BOC: variants seen among roughly 807,000 people sequenced by gnomAD.
BOC encodes the protein brother of CDO.
In BOC, 76 loss-of-function variants were observed where a neutral mutation model predicts 112.0. The ratio of observed to expected loss-of-function variants is 0.68; its 90% CI spans 0.56 to 0.82. The LOEUF (loss-of-function observed/expected upper bound fraction) is 0.82, where lower values mean the gene tolerates loss of function less well. Ranked by LOEUF, BOC falls within the 40% of genes least tolerant of loss-of-function variation. The pLI is 0.00. For synonymous variants in BOC, 580 were observed against 599.8 expected (o/e 0.97, Z 0.48); for missense variants, 1,309 against 1,511.7 (o/e 0.87, Z 2.22).
At chr3:113,214,996 T>C (rs1162567064) in intron 1 of BOC, among the ~76,000 whole-genome samples, 1 of 152,244 alleles carries the variant, frequency 6.6e-6, no homozygotes, top group Non-Finnish European at 1.5e-5. Context: ...ACTTTTGACA[T>C]AGTTGTGATA....
In BOC at chr3:113,284,503, C is replaced by G. The variant is rs749472368; in HGVS notation, c.2825C>G (p.Pro942Arg). Reference sequence around the variant, plus strand: ...GGGATCCACATGAATAGGGGCTGCCCCTCGGCTGCAGTGGGCTACCCGGGC... The same window carrying G: ...GGGATCCACATGAATAGGGGCTGCCGCTCGGCTGCAGTGGGCTACCCGGGC... ...ANGIHMNRGC[P>R]SAAVGYPGMK... The change falls in exon 17 of 20, where the codon CCC becomes CGC. Residue 942 changes from proline (P) to arginine (R), a missense_variant. Pro to Arg is a moderately radical substitution (Grantham distance 103). Transcript: ENST00000682979. The G allele has an allele frequency of 3.1e-6, 5 of 1,614,026 alleles. No homozygotes were observed. The African/African-American group carries it at 6.7e-5, about 22-fold the overall frequency.
intron 8 of BOC, among the ~76,000 whole-genome samples, chr3:113,273,926 C>G (rs1251825091): frequency 6.6e-6 from 1 of 152,226 alleles, no homozygotes; most frequent in Non-Finnish European, 1.5e-5. Context: ...CACAGACTCT[C>G]AGAGGACATT....
chr3:113,257,225 C>CA (rs1946324191), intron 4 of BOC, among the ~76,000 whole-genome samples: 1 of 152,210 alleles, frequency 6.6e-6, no homozygotes, highest in Non-Finnish European at 1.5e-5. Context: ...GCTGCCAGGA[C>CA]AATGGTTATT....
chr3:113,215,931 T>G (rs1939281272), intron 1 of BOC, among the ~76,000 whole-genome samples: 1 of 152,230 alleles, frequency 6.6e-6, no homozygotes, highest in Admixed American at 6.5e-5. Flanking sequence ...GAAAATGGAC[T>G]GCTGAACATA....
chr3:113,222,430 A>G (rs1305145943), intron 2 of BOC, among the ~76,000 whole-genome samples: 1 of 152,198 alleles, frequency 6.6e-6, no homozygotes, highest in African/African-American at 2.4e-5. Context: ...TATGGGGGGA[A>G]AATAGGAGAG....
At chr3:113,219,648 A>G (rs1260861204) in intron 2 of BOC, among the ~76,000 whole-genome samples, 1 of 152,204 alleles carries the variant, frequency 6.6e-6, no homozygotes, top group Middle Eastern at 3.2e-3. Flanking sequence ...TACAGCTAAC[A>G]AAGTGTAAGG....
At position 113,260,589 on chromosome 3, in the gene BOC, G is replaced by A. The variant is rs74592115; in HGVS notation, c.377-7710G>A. Among the ~76,000 whole-genome samples, 574 of 151,504 alleles carry A rather than the reference G, an allele frequency of 3.8e-3. 4 individuals are homozygous for A. Among genetic ancestry groups the A allele is most frequent in the Non-Finnish European group, 6.0e-3 (408 of 67,844 alleles). Reference sequence around the variant, plus strand: ...CAGGGTCACACAGCAGGAGGTGAGCGGTGGACCAGCAAGCATTACCATCTG... The same window carrying A: ...CAGGGTCACACAGCAGGAGGTGAGCAGTGGACCAGCAAGCATTACCATCTG... On this transcript the variant is annotated intron_variant, in intron 4 of 19. Coordinates refer to ENST00000682979, the MANE Select transcript of BOC (RefSeq NM_001378074.1).
Position 113,216,195 on chromosome 3 carries a change from C to G in BOC, c.-161C>G, listed in dbSNP as rs1320659648. The G allele has an allele frequency of 4.4e-6, 2 of 454,322 alleles. No homozygotes were observed. The highest frequency in any genetic ancestry group is 4.0e-5 in the African/African-American group (2 of 49,982). The allele number at this position is 454,322 out of a possible 1,614,324, so 28.1% of individuals were successfully genotyped here. A position where few individuals can be genotyped will look rare whatever the true frequency, so the allele number is the denominator to read the frequency against. ...ATTCTCTTTTTCCTCAGTTTCAGAA[C>G]AAGCTTCCTGGAACCCATGACCCAT... On this transcript the variant is annotated 5_prime_UTR_variant, in exon 2 of 20. Coordinates refer to ENST00000682979, the MANE Select transcript of BOC (RefSeq NM_001378074.1).
intron 17 of BOC, 47 bp downstream of exon 17, chr3:113,284,614 G>A: frequency 6.3e-7 from 1 of 1,575,118 alleles, no homozygotes; most frequent in South Asian, 1.1e-5. Flanking sequence ...CACCCAGGAG[G>A]GAGTGGCTGG....
chr3:113,222,574 T>A (rs1940911951), intron 2 of BOC, among the ~76,000 whole-genome samples: 2 of 151,970 alleles, frequency 1.3e-5, no homozygotes, highest in African/African-American at 4.8e-5. Context: ...TCCGTGGGTG[T>A]ACCGGTTGCT....
At chr3:113,232,871 C>G (rs570446082) in intron 2 of BOC, among the ~76,000 whole-genome samples, 4 of 152,276 alleles carry the variant, frequency 2.6e-5, no homozygotes, top group Admixed American at 2.0e-4. Context: ...CTAATGTGAT[C>G]TGTTTTTCCT....
intron 15 of BOC, 75 bp downstream of exon 15, chr3:113,281,228 T>G (rs1949170597): frequency 1.3e-6 from 2 of 1,550,858 alleles, no homozygotes; most frequent in Non-Finnish European, 1.8e-6. Flanking sequence ...TCCCTGTGCC[T>G]GTGCGGTGCT....
rs115552323 is a variant in BOC, at chr3:113,236,852, G to A, written c.-81-12870G>A. Among the ~76,000 whole-genome samples the A allele has an allele frequency of 5.0e-3, 757 of 152,258 alleles. 7 individuals are homozygous for A. The highest frequency in any genetic ancestry group is 0.016 in the African/African-American group (655 of 41,542). On this transcript the variant is annotated intron_variant, in intron 2 of 19. Coordinates refer to ENST00000682979, the MANE Select transcript of BOC (RefSeq NM_001378074.1). ...AAAAGTTTCATGACCCCTGACTCCCGAATTACTGCATGATTGGTATATGCC... is the reference window on the plus strand; with the variant it reads ...AAAAGTTTCATGACCCCTGACTCCCAAATTACTGCATGATTGGTATATGCC...
chr3:113,226,094 A>G (rs913004484), intron 2 of BOC, among the ~76,000 whole-genome samples: 5 of 152,224 alleles, frequency 3.3e-5, no homozygotes. Flanking sequence ...AGACAAATGT[A>G]TGATCTGAAA....
chr3:113,248,048 C>T (rs570113653), intron 2 of BOC, among the ~76,000 whole-genome samples: 1 of 152,160 alleles, frequency 6.6e-6, no homozygotes, highest in Non-Finnish European at 1.5e-5. Context: ...GGAGAAAATA[C>T]AAACCATCGG....
intron 6 of BOC, 27 bp from the exon 7 acceptor site, chr3:113,272,383 C>T (rs780366203): frequency 1.6e-5 from 25 of 1,606,922 alleles, no homozygotes; most frequent in Non-Finnish European, 2.6e-6. Context: ...CACACGCCTT[C>T]TGTCCTTGCC....
At chr3:113,214,573 G>A (rs1938963633) in intron 1 of BOC, among the ~76,000 whole-genome samples, 1 of 152,202 alleles carries the variant, frequency 6.6e-6, no homozygotes, top group Non-Finnish European at 1.5e-5. Context: ...ATACCTTGTG[G>A]CCTCTGAATA....
At chr3:113,244,076 G>A (rs955699668) in intron 2 of BOC, among the ~76,000 whole-genome samples, 3 of 152,194 alleles carry the variant, frequency 2.0e-5, no homozygotes, top group African/African-American at 7.2e-5. Flanking sequence ...GTAGTGACAC[G>A]TGAAGTTCAC....
chr3:113,214,252 T>C (rs1405069448), intron 1 of BOC, among the ~76,000 whole-genome samples: 1 of 152,216 alleles, frequency 6.6e-6, no homozygotes, highest in African/African-American at 2.4e-5. Flanking sequence ...GTCCAGAGAT[T>C]TTCCCTTTTT....
Sources: allele counts gnomAD v4.1 joint callset (sites outside exome capture counted in the v4.1 genomes callset), GRCh38; gene constraint gnomAD v4.1.1; transcripts MANE v1.5; gene names NCBI Gene and HGNC (gene_info 2026-07-23, HGNC 2026-07-21).